The following PITPNC1 variants were observed in gnomAD, a reference collection of about 807,000 sequenced individuals.
PITPNC1 encodes phosphatidylinositol transfer protein cytoplasmic 1, also known as cytoplasmic phosphatidylinositol transfer protein 1.
Under a neutral mutation model 44.7 loss-of-function variants are expected in PITPNC1, and 18 were observed. The ratio of observed to expected loss-of-function variants is 0.40; its 90% CI spans 0.28 to 0.60. PITPNC1 has a LOEUF of 0.60. Among genes scored for constraint, PITPNC1 ranks in the 20% least tolerant of loss-of-function variants. The pLI is 0.39. For missense variants in PITPNC1, 290 were observed against 418.4 expected (o/e 0.69, Z 2.68); for synonymous variants, 141 against 149.6 (o/e 0.94, Z 0.42).
At chr17:67,572,668 A>C (rs147811813) in intron 4 of PITPNC1, among the ~76,000 whole-genome samples, 1 of 151,934 alleles carries the variant, frequency 6.6e-6, no homozygotes, top group East Asian at 1.9e-4. Context: ...GCCAGCATGC[A>C]TGGGATAATC....
intron 5 of PITPNC1, among the ~76,000 whole-genome samples, chr17:67,583,587 CA>C (rs34025821): frequency 0.39 from 46,253 of 118,806 alleles, 7,733 homozygotes; most frequent in Middle Eastern, 0.46. Flanking sequence ...GACTCCTTCT[CA>C]AAAAAAAAAA....
chr17:67,423,633 G>A lies in PITPNC1; in HGVS notation c.48+45431G>A, dbSNP rs140533620. ...ATCCTCCTGCCTCAGCCTCCCTGAA[G>A]GTCCACCTGCATTTGAATAAGGATG... On this transcript the variant is annotated intron_variant, in intron 1 of 8. Coordinates refer to ENST00000581322, the MANE Select transcript of PITPNC1 (RefSeq NM_012417.4). 7.1e-3 allele frequency among the ~76,000 whole-genome samples: 1,077 copies of A among 152,200 alleles called. 13 individuals carry two copies. Among genetic ancestry groups the A allele is most frequent in the Non-Finnish European group, 0.011 (778 of 68,016 alleles).
chr17:67,419,283 A>G (rs371305827), intron 1 of PITPNC1, among the ~76,000 whole-genome samples: 2 of 152,176 alleles, frequency 1.3e-5, no homozygotes, highest in African/African-American at 2.4e-5. Context: ...AGCTCTCCCA[A>G]TGGTTCCATC....
chr17:67,468,390 G>A (rs1324130889), intron 1 of PITPNC1, among the ~76,000 whole-genome samples: 1 of 145,198 alleles, frequency 6.9e-6, no homozygotes, highest in East Asian at 2.1e-4. Flanking sequence ...TGAACAGGTG[G>A]CTTTCTTTCC....
intron 1 of PITPNC1, among the ~76,000 whole-genome samples, chr17:67,449,449 T>C (rs2364979): frequency 0.39 from 59,457 of 152,138 alleles, 12,860 homozygotes; most frequent in Non-Finnish European, 0.49. Context: ...CGACCCGAGA[T>C]TCCTTGTTAA....
chr17:67,564,161 G>GTGTA (rs1598825901), intron 4 of PITPNC1, among the ~76,000 whole-genome samples: 1 of 148,440 alleles, frequency 6.7e-6, no homozygotes, highest in African/African-American at 2.5e-5. Context: ...GGTAGATTGG[G>GTGTA]TGGATGGATG....
intron 5 of PITPNC1, among the ~76,000 whole-genome samples, chr17:67,628,782 G>C (rs2041928041): frequency 6.6e-6 from 1 of 152,200 alleles, no homozygotes. Context: ...ACTGGGCCCA[G>C]GCTAGGGCTG....
chr17:67,643,895 G>A (rs139557921), intron 6 of PITPNC1, among the ~76,000 whole-genome samples: 141 of 152,272 alleles, frequency 9.3e-4, no homozygotes, highest in African/African-American at 2.6e-3. Context: ...ATGTGTCTTT[G>A]GAAAGTGGCC....
rs772253910 is a variant in PITPNC1 at position 67,456,744 on chromosome 17, T to G, written c.49-76058T>G. Among the ~76,000 whole-genome samples, 72 of 152,312 alleles carry G rather than the reference T, an allele frequency of 4.7e-4. No homozygotes were observed. In the Middle Eastern group the frequency reaches 0.01, roughly 22 times the overall value. ...TGTGCAGCCCAAACTGTATATATTTTTATTTACTAGGGTCTTTACTCGTCT... is the reference window on the plus strand; with the variant it reads ...TGTGCAGCCCAAACTGTATATATTTGTATTTACTAGGGTCTTTACTCGTCT... On this transcript the variant is annotated intron_variant, in intron 1 of 8. Transcript: ENST00000581322.
chr17:67,426,564 C>A (rs1027566373), intron 1 of PITPNC1, among the ~76,000 whole-genome samples: 1 of 150,602 alleles, frequency 6.6e-6, no homozygotes, highest in Non-Finnish European at 1.5e-5. Flanking sequence ...ACAATGAGAA[C>A]ACATGGACAC....
intron 1 of PITPNC1, among the ~76,000 whole-genome samples, chr17:67,520,908 A>G (rs2040317572): frequency 6.6e-6 from 1 of 152,188 alleles, no homozygotes; most frequent in Non-Finnish European, 1.5e-5. Context: ...TAAGTGCTGC[A>G]TGTTATCATC....
intron 1 of PITPNC1, among the ~76,000 whole-genome samples, chr17:67,385,997 A>G (rs2038043680): frequency 6.6e-6 from 1 of 152,160 alleles, no homozygotes; most frequent in South Asian, 2.1e-4. Context: ...AGTAGGTAGT[A>G]ATTAACTTTT....
rs1192198155 is a variant in PITPNC1, at chr17:67,694,620, A to T, written c.*1732A>T. The stretch of plus-strand genomic sequence containing the variant: ...TTATCTATAGGTTGATATTTAGCTT[A>T]AAAAAAAAGAATAAACCTAGAACTC... On this transcript the variant is annotated 3_prime_UTR_variant, in exon 9 of 9. Transcript: ENST00000581322. The T allele has an allele frequency of 6.6e-6, 1 of 151,500 alleles. No homozygotes were observed. Among genetic ancestry groups the T allele is most frequent in the East Asian group, 1.9e-4 (1 of 5,178 alleles). 9.4% of individuals were successfully genotyped at this position (151,500 alleles called of 1,614,324 possible). A position where few individuals can be genotyped will look rare whatever the true frequency, so the allele number is the denominator to read the frequency against.
intron 1 of PITPNC1, among the ~76,000 whole-genome samples, chr17:67,389,836 C>T (rs773452115): frequency 1.3e-5 from 2 of 152,018 alleles, no homozygotes; most frequent in African/African-American, 2.4e-5. Context: ...CGTGCCACCA[C>T]GCCCGGCTAA....
intron 6 of PITPNC1, among the ~76,000 whole-genome samples, chr17:67,647,466 T>TTTTTTTTTTG (rs2042163043): frequency 7.8e-5 from 5 of 63,710 alleles, no homozygotes; most frequent in African/African-American, 5.9e-4. Flanking sequence ...AATTTTGGGT[T>TTTTTTTTTTG]TTTTTTTTTT....
intron 5 of PITPNC1, among the ~76,000 whole-genome samples, chr17:67,622,917 A>G (rs529579265): frequency 6.6e-6 from 1 of 152,056 alleles, no homozygotes; most frequent in Non-Finnish European, 1.5e-5. Context: ...CACTAGACCC[A>G]TATGCTTAAA....
chr17:67,528,820 C>T (rs576133570), intron 1 of PITPNC1, among the ~76,000 whole-genome samples: 16 of 152,132 alleles, frequency 1.1e-4, no homozygotes, highest in South Asian at 4.1e-4. Flanking sequence ...TTTTGAAACA[C>T]GTGGTTCAAG....
chr17:67,424,777 C>T (rs977616668), intron 1 of PITPNC1, among the ~76,000 whole-genome samples: 44 of 151,992 alleles, frequency 2.9e-4, no homozygotes, highest in Admixed American at 1.6e-3. Context: ...CTCGCTGCAA[C>T]CTCCGCCTCC....
At chr17:67,388,332 T>G (rs1463414710) in intron 1 of PITPNC1, among the ~76,000 whole-genome samples, 1 of 151,234 alleles carries the variant, frequency 6.6e-6, no homozygotes, top group African/African-American at 2.4e-5. Flanking sequence ...TTTCGTGTTT[T>G]TTTTTTTTTT....
Sources: gnomAD v4.1 joint callset for allele counts (sites outside exome capture counted in the v4.1 genomes callset) on GRCh38, gnomAD v4.1.1 for gene constraint, MANE v1.5 for transcripts, NCBI Gene and HGNC (gene_info 2026-07-23, HGNC 2026-07-21) for gene names.